KAT6B: variants seen among roughly 807,000 people sequenced by gnomAD.
KAT6B encodes the protein histone acetyltransferase KAT6B.
In KAT6B, 10 loss-of-function variants were observed where a neutral mutation model predicts 187.5. That is an observed-to-expected ratio of 0.05 (90% CI 0.03 to 0.09). The LOEUF (loss-of-function observed/expected upper bound fraction) is 0.09. Among genes scored for constraint, KAT6B ranks in the 10% least tolerant of loss-of-function variants. KAT6B has a pLI of 1.00. For missense variants in KAT6B, 1,952 were observed against 2,558.9 expected (o/e 0.76, Z 5.12); for synonymous variants, 861 against 926.8 (o/e 0.93, Z 1.29).
chr10:74,981,078 A>G (rs764994784), intron 10 of KAT6B, among the ~76,000 whole-genome samples: 2 of 152,222 alleles, frequency 1.3e-5, no homozygotes, highest in Non-Finnish European at 2.9e-5. Flanking sequence ...GTAAATGTGA[A>G]TTTTGAAAAA....
At chr10:74,835,183 T>C (rs1448881681) in intron 1 of KAT6B, among the ~76,000 whole-genome samples, 1 of 152,202 alleles carries the variant, frequency 6.6e-6, no homozygotes, top group Non-Finnish European at 1.5e-5. Context: ...TTTGGGGCTT[T>C]TGAGAAGTTG....
At chr10:74,850,112 G>A (rs993370939) in intron 3 of KAT6B, among the ~76,000 whole-genome samples, 12 of 152,116 alleles carry the variant, frequency 7.9e-5, no homozygotes, top group African/African-American at 2.7e-4. Context: ...CTAATTTTTT[G>A]TATTTTTAGT....
intron 13 of KAT6B, among the ~76,000 whole-genome samples, chr10:75,004,762 C>T (rs1010951764): frequency 1.6e-4 from 24 of 152,130 alleles, no homozygotes; most frequent in South Asian, 2.1e-4. Flanking sequence ...AGTACAGTGG[C>T]GTGATCATAG....
In KAT6B at chr10:75,022,041, T is replaced by C; in HGVS notation, c.3182T>C (p.Leu1061Pro). The C allele has an allele frequency of 1.9e-6, 3 of 1,613,568 alleles. No homozygotes were observed. Among genetic ancestry groups the C allele is most frequent in the South Asian group, 1.1e-5 (1 of 91,066 alleles). The stretch of plus-strand genomic sequence containing the variant: ...CCAGTCACAGGGGAGCGAGGGCAGC[T>C]GCTGGAGCTGTCTAAAGAGAGCAGT... ...SRPVTGERGQ[L>P]LELSKESSEE... The change falls in exon 16 of 18, where the codon CTG becomes CCG. Residue 1061 changes from leucine (L) to proline (P), a missense_variant. Physicochemically the swap from Leu to Pro is moderately conservative, Grantham distance 98. Transcript: ENST00000287239.
intron 3 of KAT6B, among the ~76,000 whole-genome samples, chr10:74,921,059 G>A (rs2133056173): frequency 6.7e-6 from 1 of 150,252 alleles, no homozygotes; most frequent in East Asian, 2.0e-4. Context: ...CCTTTATTTT[G>A]GTTTAAGATC....
chr10:74,867,982 G>A (rs942136080), intron 3 of KAT6B, among the ~76,000 whole-genome samples: 10 of 152,166 alleles, frequency 6.6e-5, no homozygotes, highest in African/African-American at 2.2e-4. Flanking sequence ...TGGAATGGCC[G>A]AATAAGAATT....
At chr10:74,880,557 C>T (rs1429403370) in intron 3 of KAT6B, among the ~76,000 whole-genome samples, 2 of 152,156 alleles carry the variant, frequency 1.3e-5, no homozygotes, top group Non-Finnish European at 2.9e-5. Flanking sequence ...TGTGTGGACA[C>T]GTTTTTACTT....
intron 13 of KAT6B, among the ~76,000 whole-genome samples, chr10:75,013,629 G>C (rs992091982): frequency 2.6e-5 from 4 of 152,144 alleles, no homozygotes; most frequent in African/African-American, 9.7e-5. Context: ...ATCACCTTGA[G>C]ACTTGATTCA....
At chr10:75,018,657 A>G (rs960752209) in intron 13 of KAT6B, among the ~76,000 whole-genome samples, 3 of 152,108 alleles carry the variant, frequency 2.0e-5, no homozygotes, top group African/African-American at 7.2e-5. Flanking sequence ...TGGGGGACAT[A>G]AGGTATGGGG....
chr10:74,953,911 G>T (rs1422999213), intron 3 of KAT6B, among the ~76,000 whole-genome samples: 1 of 152,160 alleles, frequency 6.6e-6, no homozygotes, highest in Non-Finnish European at 1.5e-5. Flanking sequence ...TCTTAAAAAT[G>T]CATTGTCCTA....
intron 3 of KAT6B, among the ~76,000 whole-genome samples, chr10:74,920,297 A>G (rs1231564349): frequency 6.6e-6 from 1 of 152,186 alleles, no homozygotes; most frequent in Non-Finnish European, 1.5e-5. Flanking sequence ...CCCATTTACA[A>G]TAGGGGTTGG....
intron 13 of KAT6B, among the ~76,000 whole-genome samples, chr10:74,995,253 A>T (rs1843353536): frequency 6.6e-6 from 1 of 152,214 alleles, no homozygotes; most frequent in Admixed American, 6.5e-5. Flanking sequence ...TAGTCAAAAC[A>T]CTGTGTTTAA....
chr10:74,999,352 T>G (rs1407815803), intron 13 of KAT6B, among the ~76,000 whole-genome samples: 1 of 152,066 alleles, frequency 6.6e-6, no homozygotes. Context: ...CAGCAGGGGG[T>G]CTGCATTAGA....
chr10:74,992,392 C>T (rs1341860521), intron 13 of KAT6B, among the ~76,000 whole-genome samples: 1 of 152,150 alleles, frequency 6.6e-6, no homozygotes, highest in African/African-American at 2.4e-5. Context: ...TTTAATACAC[C>T]TAATCTACCA....
chr10:74,923,648 C>G (rs930985760), intron 3 of KAT6B, among the ~76,000 whole-genome samples: 1 of 152,122 alleles, frequency 6.6e-6, no homozygotes, highest in African/African-American at 2.4e-5. Flanking sequence ...GCAAAGAGCC[C>G]TTGACATGTC....
At chr10:74,980,365 TATAGA>T (rs1296326524) in intron 10 of KAT6B, among the ~76,000 whole-genome samples, 2 of 152,224 alleles carry the variant, frequency 1.3e-5, no homozygotes, top group African/African-American at 4.8e-5. Flanking sequence ...TTGATTTTCT[TATAGA>T]ATAGATCTTA....
At chr10:74,885,165 T>G (rs1463195124) in intron 3 of KAT6B, among the ~76,000 whole-genome samples, 1 of 152,034 alleles carries the variant, frequency 6.6e-6, no homozygotes, top group Non-Finnish European at 1.5e-5. Context: ...CCTCCTGGGC[T>G]CAAGTGATTC....
At chr10:74,928,076 C>G (rs1244059865) in intron 3 of KAT6B, among the ~76,000 whole-genome samples, 1 of 152,144 alleles carries the variant, frequency 6.6e-6, no homozygotes, top group Non-Finnish European at 1.5e-5. Context: ...ATGCAAAACT[C>G]AGGGAAAAGT....
intron 3 of KAT6B, among the ~76,000 whole-genome samples, chr10:74,899,018 G>A (rs113912286): frequency 0.26 from 36,995 of 141,334 alleles, 8,583 homozygotes; most frequent in African/African-American, 0.63. Context: ...AAAAATAGCC[G>A]AGCATGGTGG....
Sources: allele counts gnomAD v4.1 joint callset (sites outside exome capture counted in the v4.1 genomes callset), GRCh38; gene constraint gnomAD v4.1.1; transcripts MANE v1.5; gene names NCBI Gene and HGNC (gene_info 2026-07-23, HGNC 2026-07-21).